The following ZPLD1 variants were observed in gnomAD, a reference collection of about 807,000 sequenced individuals.
ZPLD1 encodes the protein zona pellucida-like domain-containing protein 1.
In ZPLD1, 34 loss-of-function variants were observed where a neutral mutation model predicts 47.2. The ratio of observed to expected loss-of-function variants is 0.72; its 90% CI spans 0.55 to 0.96. The LOEUF (loss-of-function observed/expected upper bound fraction) is 0.96. ZPLD1 is among the 40% of genes least tolerant of loss of function. The pLI, the probability that ZPLD1 is intolerant of heterozygous loss-of-function variation, is 0.00. For missense variants in ZPLD1, 512 were observed against 505.8 expected (o/e 1.01, Z -0.12); for synonymous variants, 176 against 186.2 (o/e 0.95, Z 0.45).
intron 10 of ZPLD1, among the ~76,000 whole-genome samples, chr3:102,472,942 C>T (rs1380477254): frequency 6.6e-6 from 1 of 152,176 alleles, no homozygotes; most frequent in East Asian, 1.9e-4. Context: ...TTAATGGACT[C>T]ACAGTTTCAC....
At chr3:102,398,901 C>T (rs1398331107) in intron 7 of ZPLD1, among the ~76,000 whole-genome samples, 1 of 149,860 alleles carries the variant, frequency 6.7e-6, no homozygotes, top group African/African-American at 2.5e-5. Flanking sequence ...CACACACACA[C>T]ATATGCACGC....
At chr3:102,432,419 T>C (rs1707027170), upstream of ZPLD1, among the ~76,000 whole-genome samples, 1 of 152,238 alleles carries the variant, frequency 6.6e-6, no homozygotes, top group African/African-American at 2.4e-5. Context: ...GAAAAGTGCA[T>C]AAATCTCAGA....
In ZPLD1 at chr3:102,462,397, CT is replaced by C. The variant is rs1178986075; in HGVS notation, c.680+25del. The C allele has an allele frequency of 6.4e-7, 1 of 1,556,280 alleles. No homozygotes were observed. The highest frequency in any genetic ancestry group is 8.8e-7 in the Non-Finnish European group (1 of 1,134,622). On this transcript the variant is annotated intron_variant, in intron 7 of 11. Transcript: ENST00000466937. ...ATGGCAGGTAATTTCAAACTCTTGT[CT>C]TTTTTAGGTTAAAACTCTTTGACTG...
intron 3 of ZPLD1, among the ~76,000 whole-genome samples, chr3:102,447,565 A>T (rs1707277357): frequency 2.0e-5 from 3 of 152,180 alleles, no homozygotes. Context: ...ATAATTTATT[A>T]ATCTGTACTC....
intron 10 of ZPLD1, among the ~76,000 whole-genome samples, chr3:102,473,833 GT>G (rs1374442303): frequency 6.6e-6 from 1 of 151,920 alleles, no homozygotes; most frequent in African/African-American, 2.4e-5. Context: ...TTTTTCCTTA[GT>G]TTCACTTTAT....
chr3:102,399,116 C>A (rs1331956068), intron 7 of ZPLD1, among the ~76,000 whole-genome samples: 1 of 152,146 alleles, frequency 6.6e-6, no homozygotes, highest in South Asian at 2.1e-4. Flanking sequence ...GCCCTGTGAT[C>A]ACACTGTTTC....
At chr3:102,458,571 T>C (rs1707455666) in intron 6 of ZPLD1, among the ~76,000 whole-genome samples, 1 of 152,236 alleles carries the variant, frequency 6.6e-6, no homozygotes, top group Admixed American at 6.5e-5. Flanking sequence ...TTATTATTCA[T>C]GTCATCATGG....
At chr3:102,431,259 T>C (rs1158628498), upstream of ZPLD1, among the ~76,000 whole-genome samples, 1 of 152,230 alleles carries the variant, frequency 6.6e-6, no homozygotes, top group Non-Finnish European at 1.5e-5. Flanking sequence ...GAGCAGCCTT[T>C]AGCATTCATA....
intron 10 of ZPLD1, among the ~76,000 whole-genome samples, chr3:102,476,023 G>A (rs915395616): frequency 6.6e-6 from 1 of 152,102 alleles, no homozygotes; most frequent in African/African-American, 2.4e-5. Context: ...TGTTTACTCT[G>A]TCATAAAGGC....
intron 5 of ZPLD1, among the ~76,000 whole-genome samples, chr3:102,457,125 G>C (rs532644492): frequency 3.9e-5 from 6 of 152,238 alleles, no homozygotes; most frequent in African/African-American, 1.4e-4. Context: ...CTTAGTTATT[G>C]CTTAATCTTA....
chr3:102,398,589 A>G (rs1047971262), intron 7 of ZPLD1, among the ~76,000 whole-genome samples: 1 of 152,032 alleles, frequency 6.6e-6, no homozygotes, highest in African/African-American at 2.4e-5. Flanking sequence ...CTGTGCAAAA[A>G]TCCCTAGATC....
intron 8 of ZPLD1, among the ~76,000 whole-genome samples, chr3:102,426,482 C>A (rs995627208): frequency 6.7e-6 from 1 of 149,908 alleles, no homozygotes; most frequent in Non-Finnish European, 1.5e-5. Flanking sequence ...TGTGCCACTG[C>A]ACTCCAGCCT....
At chr3:102,393,851 C>G (rs1706528752) in intron 7 of ZPLD1, among the ~76,000 whole-genome samples, 1 of 152,048 alleles carries the variant, frequency 6.6e-6, no homozygotes, top group Admixed American at 6.6e-5. Flanking sequence ...CTCACTCTGT[C>G]CTTTACCTGA....
intron 7 of ZPLD1, among the ~76,000 whole-genome samples, chr3:102,405,894 T>C (rs530076438): frequency 7.2e-5 from 11 of 152,148 alleles, no homozygotes; most frequent in African/African-American, 2.6e-4. Flanking sequence ...TTTCTCTTTG[T>C]TAAGTGAAAG....
chr3:102,467,212 T>C (rs1291523923), intron 8 of ZPLD1, among the ~76,000 whole-genome samples: 6 of 152,084 alleles, frequency 3.9e-5, no homozygotes, highest in Non-Finnish European at 4.4e-5. Flanking sequence ...CACTTGGAAG[T>C]TGTAAAACCC....
chr3:102,420,147 A>G (rs1278121003), intron 8 of ZPLD1, among the ~76,000 whole-genome samples: 1 of 151,910 alleles, frequency 6.6e-6, no homozygotes, highest in African/African-American at 2.4e-5. Context: ...AACTCTCAAG[A>G]CCTCAATGAT....
intron 7 of ZPLD1, among the ~76,000 whole-genome samples, chr3:102,395,257 T>C (rs1209032815): frequency 6.6e-6 from 1 of 152,062 alleles, no homozygotes; most frequent in Non-Finnish European, 1.5e-5. Context: ...CAAATATATA[T>C]ATATACACAC....
At chr3:102,461,168 A>G (rs1248548214) in intron 6 of ZPLD1, among the ~76,000 whole-genome samples, 1 of 152,034 alleles carries the variant, frequency 6.6e-6, no homozygotes, top group East Asian at 1.9e-4. Context: ...TAAAGATATT[A>G]TGGTTGATAT....
chr3:102,385,639 T>C (rs1239823673), intron 6 of ZPLD1, among the ~76,000 whole-genome samples: 2 of 152,224 alleles, frequency 1.3e-5, no homozygotes, highest in South Asian at 2.1e-4. Context: ...TACTGAGTTA[T>C]AGCTAAATAA....
Sources: gnomAD v4.1 joint callset for allele counts (sites outside exome capture counted in the v4.1 genomes callset) on GRCh38, gnomAD v4.1.1 for gene constraint, MANE v1.5 for transcripts, NCBI Gene and HGNC (gene_info 2026-07-23, HGNC 2026-07-21) for gene names.